Variants in OGN observed in about 807,000 individuals in gnomAD.
OGN encodes mimecan.
OGN carries 19 observed loss-of-function variants against 30.8 expected under a neutral mutation model. That is an observed-to-expected ratio of 0.62 (90% confidence interval 0.43 to 0.90). The LOEUF (loss-of-function observed/expected upper bound fraction) is 0.90. Among genes scored for constraint, OGN ranks in the 40% least tolerant of loss-of-function variants. The probability of loss-of-function intolerance (pLI) is 0.00; values close to 1 mark genes in which losing one functional copy is unlikely to be tolerated. For missense variants in OGN, 283 were observed against 349.7 expected (o/e 0.81, Z 1.52); for synonymous variants, 126 against 128.3 (o/e 0.98, Z 0.12).
At chr9:92,388,001 C>A (rs1472134027) in intron 5 of OGN, among the ~76,000 whole-genome samples, 1 of 151,212 alleles carries the variant, frequency 6.6e-6, no homozygotes, top group Non-Finnish European at 1.5e-5. Context: ...TGAGCTCAGG[C>A]AATCTGCCCG....
At chr9:92,396,568 A>AT (rs34456971) in intron 3 of OGN, among the ~76,000 whole-genome samples, 26 of 144,274 alleles carry the variant, frequency 1.8e-4, no homozygotes, top group African/African-American at 4.9e-4. Flanking sequence ...ACATACCTTT[A>AT]TTTTTTTTTT....
intron 5 of OGN, among the ~76,000 whole-genome samples, chr9:92,387,053 G>GAAAAAAAAAA (rs903436031): frequency 4.0e-5 from 2 of 50,172 alleles, no homozygotes; most frequent in Non-Finnish European, 7.5e-5. Flanking sequence ...GTCTCAAAAA[G>GAAAAAAAAAA]AAAAAAAAAA....
In OGN at chr9:92,385,284, A is replaced by C. The variant is rs1262596279; in HGVS notation, c.*336T>G. The C allele has an allele frequency of 1.1e-5, 2 of 175,326 alleles. No individual in the cohort carries two copies. Among genetic ancestry groups the C allele is most frequent in the Non-Finnish European group, 1.2e-5 (1 of 83,434 alleles). The allele number at this position is 175,326 out of a possible 1,614,324, so 10.9% of individuals were successfully genotyped here. On this transcript the variant is annotated 3_prime_UTR_variant, in exon 7 of 7. Coordinates refer to ENST00000375561, the MANE Select transcript of OGN (RefSeq NM_014057.5). ...AGGCAAAGAGTTGAAAGTTTCTTGG[A>C]TTTATCCTCGTACTTACATCATTAG...
At chr9:92,386,537 A>G (rs1181772349) in intron 5 of OGN, among the ~76,000 whole-genome samples, 1 of 151,840 alleles carries the variant, frequency 6.6e-6, no homozygotes, top group Non-Finnish European at 1.5e-5. Flanking sequence ...CATACCCCAC[A>G]CTTCTGTCCA....
In OGN at chr9:92,401,093, A is replaced by G. The variant is rs781618698; in HGVS notation, c.267T>C (p.Asp89=). 1 of 1,385,262 alleles carries G rather than the reference A, an allele frequency of 7.2e-7. No homozygotes were observed. Among genetic ancestry groups the G allele is most frequent in the South Asian group, 1.2e-5 (1 of 84,180 alleles). The allele number at this position is 1,385,262 out of a possible 1,614,324, so 85.8% of individuals were successfully genotyped here. The stretch of plus-strand genomic sequence containing the variant: ...GAAAAATATTTAGATGATACTTACC[A>G]TCATTTTCTTTCTTGGGAGGTAATG... ...ITPLPPKKEN[D]EMPTCLLCVC... Residue 89 remains aspartate (D), a splice_region_variant and synonymous_variant, in exon 3 of 7, where the codon GAT becomes GAC. Transcript: ENST00000375561.
chr9:92,388,547 C>CAA (rs111602359), intron 5 of OGN, among the ~76,000 whole-genome samples: 4 of 138,460 alleles, frequency 2.9e-5, no homozygotes, highest in African/African-American at 1.0e-4. Context: ...AACTTTAAAA[C>CAA]AAAAAAAAAA....
intron 5 of OGN, 95 bp downstream of exon 5, chr9:92,389,759 T>G (rs1842592328): frequency 9.2e-6 from 7 of 757,336 alleles, no homozygotes; most frequent in South Asian, 7.9e-5. Context: ...AAATAGTTTT[T>G]AAGTGTAATC....
intron 3 of OGN, among the ~76,000 whole-genome samples, chr9:92,396,843 A>G (rs923580540): frequency 1.3e-5 from 2 of 152,074 alleles, no homozygotes; most frequent in Admixed American, 6.6e-5. Flanking sequence ...AACATCTTTT[A>G]TATCTATTTC....
chr9:92,404,076 T>TA (rs1033981298), intron 1 of OGN, among the ~76,000 whole-genome samples: 14 of 152,164 alleles, frequency 9.2e-5, no homozygotes, highest in African/African-American at 3.1e-4. Context: ...GAAAGAATAG[T>TA]ATTGCAGGCT....
At chr9:92,397,362 C>G (rs576074018) in intron 3 of OGN, among the ~76,000 whole-genome samples, 3 of 152,252 alleles carry the variant, frequency 2.0e-5, no homozygotes, top group African/African-American at 7.2e-5. Context: ...GAGTCTCGCC[C>G]TGTCACCCAG....
chr9:92,390,949 A>T (rs1168435098), intron 4 of OGN, among the ~76,000 whole-genome samples: 1 of 152,164 alleles, frequency 6.6e-6, no homozygotes, highest in African/African-American at 2.4e-5. Flanking sequence ...TCACTTCAGC[A>T]CCATGTGTTG....
intron 2 of OGN, among the ~76,000 whole-genome samples, chr9:92,401,757 T>C (rs539352304): frequency 6.6e-6 from 1 of 152,166 alleles, no homozygotes; most frequent in Non-Finnish European, 1.5e-5. Context: ...GCCACTGGGG[T>C]AGGCCATTAA....
chr9:92,397,870 CACAT>C (rs1251834513), intron 3 of OGN, among the ~76,000 whole-genome samples: 2 of 152,144 alleles, frequency 1.3e-5, no homozygotes, highest in African/African-American at 4.8e-5. Flanking sequence ...TACATACACA[CACAT>C]AGAGATAAAC....
intron 4 of OGN, among the ~76,000 whole-genome samples, chr9:92,390,563 A>AGT (rs61628295): frequency 0.19 from 28,120 of 150,432 alleles, 2,763 homozygotes; most frequent in Middle Eastern, 0.37. Context: ...AGAGAAATTC[A>AGT]GTGTGTGTGT....
At chr9:92,390,978 A>C (rs750490997) in intron 4 of OGN, among the ~76,000 whole-genome samples, 1 of 152,166 alleles carries the variant, frequency 6.6e-6, no homozygotes, top group Non-Finnish European at 1.5e-5. Flanking sequence ...TAAACAGCAA[A>C]ATCAGGCCAG....
At chr9:92,393,337 C>T in intron 3 of OGN, 93 bp from the exon 4 acceptor site, 2 of 964,630 alleles carry the variant, frequency 2.1e-6, no homozygotes, top group Non-Finnish European at 3.0e-6. Context: ...AATGCTATTA[C>T]TAATTTGAAG....
intron 4 of OGN, among the ~76,000 whole-genome samples, chr9:92,390,770 C>T (rs1310701907): frequency 6.6e-6 from 1 of 152,160 alleles, no homozygotes; most frequent in Non-Finnish European, 1.5e-5. Flanking sequence ...CACACATTTC[C>T]ATCAACTATT....
At chr9:92,395,664 G>A in intron 3 of OGN, among the ~76,000 whole-genome samples, 1 of 152,156 alleles carries the variant, frequency 6.6e-6, no homozygotes, top group Non-Finnish European at 1.5e-5. Context: ...CCACATCCTT[G>A]CCAACATTTG....
intron 3 of OGN, among the ~76,000 whole-genome samples, chr9:92,395,803 T>C (rs1842869130): frequency 6.6e-6 from 1 of 152,154 alleles, no homozygotes; most frequent in Admixed American, 6.5e-5. Flanking sequence ...TTGGCATCCA[T>C]ATATTTGATG....
Sources: allele counts gnomAD v4.1 joint callset (sites outside exome capture counted in the v4.1 genomes callset), GRCh38; gene constraint gnomAD v4.1.1; transcripts MANE v1.5; gene names NCBI Gene and HGNC (gene_info 2026-07-23, HGNC 2026-07-21).